Variants in NWD2 observed in about 807,000 individuals in gnomAD.
The protein encoded by NWD2 is NACHT and WD repeat domain containing 2.
NWD2 carries 37 observed loss-of-function variants against 132.7 expected under a neutral mutation model. That is an observed-to-expected ratio of 0.28 (90% CI 0.21 to 0.37). The LOEUF is 0.37. Ranked by LOEUF, NWD2 falls within the 10% of genes least tolerant of loss-of-function variation. NWD2 has a pLI of 1.00. For missense variants in NWD2, 1,592 were observed against 2,122.4 expected (o/e 0.75, Z 4.91); for synonymous variants, 705 against 803.0 (o/e 0.88, Z 2.06).
rs1371414671 is a variant in NWD2 at position 37,445,543 on chromosome 4, C to T, written c.3555C>T (p.Cys1185=). 2 of 1,552,042 alleles carry T rather than the reference C, an allele frequency of 1.3e-6. No individual in the cohort carries two copies. The highest frequency in any genetic ancestry group is 1.7e-6 in the Non-Finnish European group (2 of 1,147,092). The change falls in exon 7 of 7, where the codon TGC becomes TGT. Residue 1185 remains cysteine, a synonymous_variant. Transcript: ENST00000309447. The surrounding 1 kb of genome is among the most constrained non-coding windows in gnomAD (Gnocchi z 4.7). ...CCCAGCTGACTGATGACTTTGATTG[C>T]CGAAGAGAAGACAGTGAGGTGGTCA... ...SSPQLTDDFD[C]RREDSEVVSI...
At chr4:37,303,292 TCTG>T (rs1389445468) in intron 1 of NWD2, among the ~76,000 whole-genome samples, 1 of 152,188 alleles carries the variant, frequency 6.6e-6, no homozygotes, top group African/African-American at 2.4e-5. Flanking sequence ...GAGCTGAAAT[TCTG>T]TTACATCGGT....
chr4:37,376,466 A>C (rs1443817017), intron 3 of NWD2, among the ~76,000 whole-genome samples: 1 of 152,224 alleles, frequency 6.6e-6, no homozygotes, highest in Non-Finnish European at 1.5e-5. Flanking sequence ...ATGGTTAAGA[A>C]CACAGACTCT....
intron 2 of NWD2, among the ~76,000 whole-genome samples, chr4:37,345,358 G>A (rs1719613660): frequency 1.3e-5 from 2 of 152,134 alleles, no homozygotes; most frequent in Non-Finnish European, 2.9e-5. Context: ...GGGTTCCAAT[G>A]TCTCCACATT....
At chr4:37,256,656 A>T (rs190420322) in intron 1 of NWD2, among the ~76,000 whole-genome samples, 1 of 152,358 alleles carries the variant, frequency 6.6e-6, no homozygotes, top group East Asian at 1.9e-4. Context: ...CTTGAAAATA[A>T]CAAATTCCTT....
intron 1 of NWD2, among the ~76,000 whole-genome samples, chr4:37,275,179 C>A (rs944542080): frequency 1.3e-5 from 2 of 152,170 alleles, no homozygotes; most frequent in Non-Finnish European, 2.9e-5. Context: ...ATCTAGAAAA[C>A]CCCATCGTCT....
chr4:37,388,019 T>C (rs995046528), intron 3 of NWD2, among the ~76,000 whole-genome samples: 2 of 152,148 alleles, frequency 1.3e-5, no homozygotes, highest in African/African-American at 4.8e-5. Flanking sequence ...TGAATGACCT[T>C]GGGCAACTTG....
At chr4:37,317,088 A>T (rs1416582673) in intron 1 of NWD2, among the ~76,000 whole-genome samples, 1 of 152,202 alleles carries the variant, frequency 6.6e-6, no homozygotes, top group African/African-American at 2.4e-5. Context: ...ATGATTTTTC[A>T]GAATTTCTTC....
At chr4:37,275,444 AG>A (rs200614438) in intron 1 of NWD2, among the ~76,000 whole-genome samples, 1,871 of 152,300 alleles carry the variant, frequency 0.012, 32 homozygotes, top group African/African-American at 0.043. Context: ...AAGAAATAGA[AG>A]AACACTCCAT....
At chr4:37,332,773 C>A (rs1417755214) in intron 2 of NWD2, among the ~76,000 whole-genome samples, 1 of 152,098 alleles carries the variant, frequency 6.6e-6, no homozygotes, top group African/African-American at 2.4e-5. Context: ...GGGTAGAGCA[C>A]CAAGCGGGCT....
chr4:37,252,252 ATAT>A (rs1229667867), intron 1 of NWD2, among the ~76,000 whole-genome samples: 1 of 152,182 alleles, frequency 6.6e-6, no homozygotes, highest in African/African-American at 2.4e-5. Context: ...TCTTGAGGTG[ATAT>A]TATTGTTTGC....
intron 2 of NWD2, among the ~76,000 whole-genome samples, chr4:37,338,276 C>T (rs1231284407): frequency 6.6e-6 from 1 of 152,194 alleles, no homozygotes; most frequent in East Asian, 1.9e-4. Context: ...TGCTCCAAAC[C>T]CAGCCGTGAC....
chr4:37,301,159 C>T (rs1718604885), intron 1 of NWD2, among the ~76,000 whole-genome samples: 1 of 152,072 alleles, frequency 6.6e-6, no homozygotes, highest in African/African-American at 2.4e-5. Flanking sequence ...GTCTTTCTGG[C>T]TTCTAATGCT....
chr4:37,273,849 G>A (rs1717930948), intron 1 of NWD2, among the ~76,000 whole-genome samples: 1 of 152,050 alleles, frequency 6.6e-6, no homozygotes, highest in East Asian at 1.9e-4. Flanking sequence ...ATAACGAAAT[G>A]AAGGCAGAAA....
At chr4:37,278,817 A>G (rs1718074384) in intron 1 of NWD2, among the ~76,000 whole-genome samples, 1 of 152,162 alleles carries the variant, frequency 6.6e-6, no homozygotes, top group East Asian at 1.9e-4. Context: ...CTTTCCTACC[A>G]AAGATTCAAC....
rs896227133 is a variant in NWD2 at position 37,444,553 on chromosome 4, C to G, written c.2565C>G (p.Ile855Met). Reference sequence around the variant, plus strand: ...CCGATGACCTGCTTTACGGCATCATCATGAACTTCAGCTGGCTTTATACCA... The same window carrying G: ...CCGATGACCTGCTTTACGGCATCATGATGAACTTCAGCTGGCTTTATACCA... ...GKTDDLLYGI[I>M]MNFSWLYTMI... Residue 855 changes from isoleucine (I) to methionine (M), a missense_variant, in exon 7 of 7, where the codon ATC (isoleucine) becomes ATG (methionine). Around this residue, in one of 7 missense-constraint regions of NWD2, gnomAD observed 1,071 missense variants for 1,398.0 expected, o/e 0.77. Coordinates refer to ENST00000309447, the MANE Select transcript of NWD2 (RefSeq NM_001144990.2). The surrounding 1 kb of genome is among the most constrained non-coding windows in gnomAD (Gnocchi z 4.8). 1.9e-6 allele frequency: 3 copies of G among 1,551,814 alleles called. No individual in the cohort carries two copies. In the South Asian group the frequency reaches 3.6e-5, roughly 18 times the overall value.
chr4:37,434,104 T>A, intron 5 of NWD2, 84 bp downstream of exon 5: 1 of 783,904 alleles, frequency 1.3e-6, no homozygotes, highest in Non-Finnish European at 1.9e-6. Flanking sequence ...CCTGCAAATT[T>A]AATCTCATTT....
intron 3 of NWD2, among the ~76,000 whole-genome samples, chr4:37,375,997 T>C (rs1040431872): frequency 6.6e-6 from 1 of 152,260 alleles, no homozygotes; most frequent in Non-Finnish European, 1.5e-5. Flanking sequence ...TATGATATTC[T>C]AGCAAATGAA....
chr4:37,294,900 C>T (rs1718444352), intron 1 of NWD2, among the ~76,000 whole-genome samples: 1 of 152,194 alleles, frequency 6.6e-6, no homozygotes. Flanking sequence ...GGTCTGCACC[C>T]TTCTCCAAAG....
intron 3 of NWD2, among the ~76,000 whole-genome samples, chr4:37,414,941 G>T (rs1711546311): frequency 6.6e-6 from 1 of 152,134 alleles, no homozygotes. Context: ...AGCACAGAGG[G>T]GTTAAGTAAC....
Sources: allele counts gnomAD v4.1 joint callset (sites outside exome capture counted in the v4.1 genomes callset), GRCh38; gene constraint gnomAD v4.1.1; regional missense constraint gnomAD v4.1.1; non-coding constraint Gnocchi (gnomAD v3.1); transcripts MANE v1.5; gene names NCBI Gene and HGNC (gene_info 2026-07-23, HGNC 2026-07-21).